Variants in ZNF217 observed in about 807,000 individuals in gnomAD.
The protein encoded by ZNF217 is zinc finger protein 217.
Under a neutral mutation model 73.3 loss-of-function variants are expected in ZNF217, and 12 were observed. That is an observed-to-expected ratio of 0.16 (90% CI 0.10 to 0.27). The LOEUF is 0.27. Among genes scored for constraint, ZNF217 ranks in the 10% least tolerant of loss-of-function variants. ZNF217 has a pLI of 1.00. For synonymous variants in ZNF217, 588 were observed against 516.4 expected (o/e 1.14, Z -1.88); for missense variants, 1,195 against 1,327.8 (o/e 0.90, Z 1.55).
At chr20:53,580,440 T>C (rs562515258) in intron 2 of ZNF217, among the ~76,000 whole-genome samples, 6 of 152,328 alleles carry the variant, frequency 3.9e-5, no homozygotes, top group Admixed American at 3.9e-4. Context: ...GGCCTGCCCA[T>C]CAGGGTCTTT....
chr20:53,577,886 C>T (rs560610431), intron 3 of ZNF217, among the ~76,000 whole-genome samples: 4 of 152,266 alleles, frequency 2.6e-5, no homozygotes, highest in African/African-American at 9.6e-5. Flanking sequence ...CCAAGGTGAG[C>T]GGATCACTTG....
At chr20:53,572,683 C>T (rs977641280) in intron 4 of ZNF217, 1 of 152,178 alleles carries the variant, frequency 6.6e-6, no homozygotes, top group African/African-American at 2.4e-5. Flanking sequence ...TGTCACCACA[C>T]AGAATCCTCA....
At chr20:53,584,722 T>C (rs1044628595) in intron 1 of ZNF217, among the ~76,000 whole-genome samples, 8 of 152,232 alleles carry the variant, frequency 5.3e-5, no homozygotes, top group Admixed American at 3.3e-4. Flanking sequence ...TCTGTGGTTC[T>C]GGGGATAGAG....
At position 53,576,855 on chromosome 20, in the gene ZNF217, T is replaced by C. The variant is rs751536430; in HGVS notation, c.1909A>G (p.Asn637Asp). 3 of 1,614,162 alleles carry C rather than the reference T, an allele frequency of 1.9e-6. No homozygotes were observed. Among genetic ancestry groups the C allele is most frequent in the South Asian group, 1.1e-5 (1 of 91,082 alleles). Residue 637 changes from asparagine to aspartate, a missense_variant, in exon 4 of 6, where the codon AAT (asparagine) becomes GAT (aspartate). Physicochemically the swap from Asn to Asp is conservative, Grantham distance 23. Transcript: ENST00000371471. ...GCCTTGGTTCTACAGATGAGGTTAT[T>C]TGCCTGAGTTTCAACTGCTGATCTC... is the stretch of plus-strand genomic sequence containing the variant. ...KKRSAVETQA[N>D]NLICRTKADV...
chr20:53,574,772 C>T (rs1464543869), intron 4 of ZNF217: 1 of 107,896 alleles, frequency 9.3e-6, no homozygotes, highest in East Asian at 2.9e-4. Context: ...TCAGGCTGGG[C>T]AACAAGAGCA....
At position 53,582,725 on chromosome 20, in the gene ZNF217, C is replaced by T. The variant is rs112729586; in HGVS notation, c.102G>A (p.Met34Ile). ...IGSSLGSPME[M>I]EDALSMKGTA... ...TCCCTTTCATTGACAAGGCATCCTC[C>T]ATCTCCATCGGACTGCCAAGAGAGC... The change falls in exon 2 of 6, where the codon ATG becomes ATA. Residue 34 changes from methionine to isoleucine, a missense_variant. Met to Ile is a conservative substitution (Grantham distance 10). Transcript: ENST00000371471. The surrounding 1 kb of genome is among the most constrained non-coding windows in gnomAD (Gnocchi z 4.8). 6.2e-6 allele frequency: 10 copies of T among 1,614,076 alleles called. No individual in the cohort carries two copies. The East Asian group carries it at 2.2e-4, about 36-fold the overall frequency.
chr20:53,592,619 G>A lies in ZNF217; in HGVS notation c.-343+1137C>T, dbSNP rs369779026. Among the ~76,000 whole-genome samples, 7 of 147,336 alleles carry A rather than the reference G, an allele frequency of 4.8e-5. No individual in the cohort carries two copies. In the East Asian group the frequency reaches 1.3e-3, roughly 27 times the overall value. On this transcript the variant is annotated intron_variant, in intron 1 of 5. Transcript: ENST00000371471. ...CCCTGAACATCTTCTCAAACTCCCG[G>A]GACCCAGGTTCCGGCGCGCGCCCCG...
At chr20:53,597,679 TC>T (rs2145994924), upstream of ZNF217, 1 of 151,986 alleles carries the variant, frequency 6.6e-6, no homozygotes, top group Non-Finnish European at 1.5e-5. Flanking sequence ...CTGTAGGACT[TC>T]ACTCTACCTG....
intron 3 of ZNF217, 51 bp from the exon 4 acceptor site, chr20:53,577,331 A>G (rs1342555607): frequency 6.9e-7 from 1 of 1,457,292 alleles, no homozygotes; most frequent in Admixed American, 2.1e-5. Flanking sequence ...AAGCACTGAA[A>G]TAGATCAAAT....
At chr20:53,588,393 A>T in intron 1 of ZNF217, among the ~76,000 whole-genome samples, 1 of 152,194 alleles carries the variant, frequency 6.6e-6, no homozygotes. Context: ...TAATTAAGCA[A>T]GATTAAGCAT....
chr20:53,578,513 T>G, intron 2 of ZNF217, 63 bp from the exon 3 acceptor site: 14 of 953,478 alleles, frequency 1.5e-5, no homozygotes, highest in Admixed American at 2.8e-5. Flanking sequence ...TAAGGCATGC[T>G]GACTTAAATA....
chr20:53,597,109 A>AAAAAAC (rs1568696450), upstream of ZNF217, among the ~76,000 whole-genome samples: 26 of 138,680 alleles, frequency 1.9e-4, no homozygotes, highest in East Asian at 6.4e-4. Flanking sequence ...AAAAAAAAAA[A>AAAAAAC]AAAACTTCTG....
At chr20:53,594,233 C>G (rs915443838), upstream of ZNF217, among the ~76,000 whole-genome samples, 8 of 151,684 alleles carry the variant, frequency 5.3e-5, no homozygotes, top group East Asian at 5.9e-4. Context: ...GGGCGCGGCG[C>G]GTCCGGCGCT....
At chr20:53,578,591 C>T (rs1988373017) in intron 2 of ZNF217, 141 bp from the exon 3 acceptor site, 7 of 556,792 alleles carry the variant, frequency 1.3e-5, no homozygotes, top group South Asian at 1.1e-4. Flanking sequence ...TAGAACAAAA[C>T]GGCTAGACAC....
At chr20:53,584,309 C>T (rs529977370) in intron 1 of ZNF217, among the ~76,000 whole-genome samples, 1 of 152,226 alleles carries the variant, frequency 6.6e-6, no homozygotes, top group East Asian at 1.9e-4. Context: ...GCATACTTTA[C>T]TTTCCTCCCT....
Position 53,576,356 on chromosome 20 carries a change from G to A in ZNF217, c.2408C>T (p.Pro803Leu), listed in dbSNP as rs563497204. The change falls in exon 4 of 6, where the codon CCT (proline) becomes CTT (leucine). Residue 803 changes from proline to leucine, a missense_variant. Physicochemically the swap from Pro to Leu is moderately conservative, Grantham distance 98. Coordinates refer to ENST00000371471, the MANE Select transcript of ZNF217 (RefSeq NM_006526.3). ...KQSPPGPGKA[P>L]LTSGIDSSTL... ...GCTAGAGTCTATCCCTGAAGTCAGA[G>A]GGGCCTTGCCTGGCCCAGGAGGGCT... The A allele has an allele frequency of 8.7e-6, 14 of 1,614,214 alleles. No individual in the cohort carries two copies. Among genetic ancestry groups the A allele is most frequent in the Middle Eastern group, 1.6e-4 (1 of 6,062 alleles).
In ZNF217 at chr20:53,571,392, C is replaced by T. The variant is rs543028992; in HGVS notation, c.*23+329G>A. Among the ~76,000 whole-genome samples the T allele has an allele frequency of 8.4e-4, 67 of 80,016 alleles. 1 individual carries two copies. Among genetic ancestry groups the T allele is most frequent in the African/African-American group, 3.6e-3 (66 of 18,492 alleles). The allele number at this position is 80,016 out of a possible 152,430, so 52.5% of individuals were successfully genotyped here. On this transcript the variant is annotated intron_variant, in intron 5 of 5. Transcript: ENST00000371471. The stretch of plus-strand genomic sequence containing the variant: ...TGGTTTATTTCCGATCAAGTAAAAT[C>T]AATCCCCGCCCCCGCCCCCCCTTTT...
intron 1 of ZNF217, among the ~76,000 whole-genome samples, chr20:53,589,012 G>T (rs1164179485): frequency 1.3e-5 from 2 of 152,168 alleles, no homozygotes; most frequent in Non-Finnish European, 2.9e-5. Flanking sequence ...TTTGATAGAG[G>T]TAGAAGTAAA....
At chr20:53,574,205 G>A (rs532769706) in intron 4 of ZNF217, among the ~76,000 whole-genome samples, 2 of 152,082 alleles carry the variant, frequency 1.3e-5, no homozygotes, top group South Asian at 4.1e-4. Context: ...GTACAGATGC[G>A]ACCATCCATT....
Sources: allele counts gnomAD v4.1 joint callset (sites outside exome capture counted in the v4.1 genomes callset), GRCh38; gene constraint gnomAD v4.1.1; non-coding constraint Gnocchi (gnomAD v3.1); transcripts MANE v1.5; gene names NCBI Gene and HGNC (gene_info 2026-07-23, HGNC 2026-07-21).